The following CLDN10 variants were observed in gnomAD, a reference collection of about 807,000 sequenced individuals.
CLDN10 encodes claudin-10.
CLDN10 carries 15 observed loss-of-function variants against 22.9 expected under a neutral mutation model. The ratio of observed to expected loss-of-function variants is 0.65; its 90% confidence interval spans 0.44 to 1.01. The LOEUF (loss-of-function observed/expected upper bound fraction) is 1.01, where lower values mean the gene tolerates loss of function less well. Ranked by LOEUF, CLDN10 falls within the 50% of genes least tolerant of loss-of-function variation. CLDN10 has a pLI of 0.00. For synonymous variants in CLDN10, 114 were observed against 111.4 expected (o/e 1.02, Z -0.15); for missense variants, 247 against 287.8 (o/e 0.86, Z 1.03).
chr13:95,535,462 C>T (rs1330922607), intron 1 of CLDN10, among the ~76,000 whole-genome samples: 1 of 150,168 alleles, frequency 6.7e-6, no homozygotes, highest in Non-Finnish European at 1.5e-5. Context: ...GAGGGAAGAG[C>T]GCCATCCAAG....
intron 1 of CLDN10, among the ~76,000 whole-genome samples, chr13:95,530,657 C>CA (rs928752653): frequency 2.6e-5 from 4 of 152,160 alleles, no homozygotes; most frequent in African/African-American, 9.7e-5. Flanking sequence ...CATAGACACT[C>CA]AAGGAAAACA....
chr13:95,510,584 C>T (rs1481010916), intron 1 of CLDN10, among the ~76,000 whole-genome samples: 1 of 152,002 alleles, frequency 6.6e-6, no homozygotes, highest in East Asian at 1.9e-4. Flanking sequence ...TTTATTAAGC[C>T]TTTGCTCATT....
chr13:95,488,040 C>A (rs1001970364), intron 1 of CLDN10, among the ~76,000 whole-genome samples: 2 of 151,266 alleles, frequency 1.3e-5, no homozygotes, highest in Non-Finnish European at 1.5e-5. Flanking sequence ...GGCTGGAGTG[C>A]AGTGGCGTGA....
chr13:95,467,305 A>G (rs1383524900), intron 1 of CLDN10, among the ~76,000 whole-genome samples: 1 of 152,214 alleles, frequency 6.6e-6, no homozygotes, highest in African/African-American at 2.4e-5. Flanking sequence ...TTTTAAAAGC[A>G]TAGCCCTGTA....
At chr13:95,573,409 A>G (rs1374253524) in intron 3 of CLDN10, among the ~76,000 whole-genome samples, 1 of 152,244 alleles carries the variant, frequency 6.6e-6, no homozygotes, top group Non-Finnish European at 1.5e-5. Context: ...GGTATTAGTC[A>G]TAAAGAGGGC....
chr13:95,548,088 T>C (rs1286936458), upstream of CLDN10, among the ~76,000 whole-genome samples: 1 of 152,184 alleles, frequency 6.6e-6, no homozygotes, highest in African/African-American at 2.4e-5. Context: ...AGACATAAAA[T>C]CACTTGCCCA....
intron 1 of CLDN10, among the ~76,000 whole-genome samples, chr13:95,532,394 T>G (rs2043353690): frequency 6.6e-6 from 1 of 152,164 alleles, no homozygotes; most frequent in Non-Finnish European, 1.5e-5. Context: ...CATGAAAAAG[T>G]GCTCAGCATC....
Position 95,552,781 on chromosome 13 carries a change from G to T in CLDN10, c.28G>T (p.Ala10Ser). 1.9e-6 allele frequency: 3 copies of T among 1,613,384 alleles called. No individual in the cohort carries two copies. Among genetic ancestry groups the T allele is most frequent in the Non-Finnish European group, 2.5e-6 (3 of 1,179,862 alleles). Residue 10 changes from alanine (A) to serine (S), a missense_variant, in exon 1 of 5, where the codon GCC (alanine) becomes TCC (serine). Transcript: ENST00000299339. ...GGCTAGCACGGCTTCGGAGATCATC[G>T]CCTTCATGGTCTCCATCTCAGGCTG... MASTASEII[A>S]FMVSISGWVL...
At chr13:95,552,333 G>A (rs2043574844), upstream of CLDN10, among the ~76,000 whole-genome samples, 1 of 151,210 alleles carries the variant, frequency 6.6e-6, no homozygotes, top group Admixed American at 6.6e-5. Flanking sequence ...GCTTCTACAA[G>A]GTAGTCAGGA....
Position 95,577,260 on chromosome 13 carries a change from G to A in CLDN10, c.494G>A (p.Gly165Glu). ...GAATTAGGAGCCGCTCTGTTTATTGGATGGGCAGGAGCCTCACTGTGCATA... is the reference window on the plus strand; with the variant it reads ...GAATTAGGAGCCGCTCTGTTTATTGAATGGGCAGGAGCCTCACTGTGCATA... ...KYELGAALFI[G>E]WAGASLCIIG... Residue 165 changes from glycine (G) to glutamate (E), a missense_variant, in exon 4 of 5, where the codon GGA becomes GAA. Physicochemically the swap from Gly to Glu is moderately conservative, Grantham distance 98 (BLOSUM62 -2). Transcript: ENST00000299339. 6.2e-7 allele frequency: 1 copy of A among 1,614,114 alleles called. No homozygotes were observed. Among genetic ancestry groups the A allele is most frequent in the Non-Finnish European group, 8.5e-7 (1 of 1,179,974 alleles).
intron 1 of CLDN10, among the ~76,000 whole-genome samples, chr13:95,531,508 A>G (rs2043342032): frequency 6.6e-6 from 1 of 151,980 alleles, no homozygotes; most frequent in South Asian, 2.1e-4. Flanking sequence ...TAAAAGAAGG[A>G]AACTTTTGGA....
chr13:95,522,065 T>C (rs1442298756), intron 1 of CLDN10, among the ~76,000 whole-genome samples: 2 of 152,056 alleles, frequency 1.3e-5, no homozygotes, highest in Non-Finnish European at 2.9e-5. Flanking sequence ...TTTTCTTTTT[T>C]TACTCAGTCT....
At chr13:95,511,873 A>G (rs1298938666) in intron 1 of CLDN10, among the ~76,000 whole-genome samples, 1 of 131,006 alleles carries the variant, frequency 7.6e-6, no homozygotes, top group Non-Finnish European at 1.6e-5. Context: ...TTGTACTTTA[A>G]GTTTTAGGGT....
intron 1 of CLDN10, among the ~76,000 whole-genome samples, chr13:95,488,269 A>T (rs1279764449): frequency 6.6e-6 from 1 of 151,560 alleles, no homozygotes; most frequent in African/African-American, 2.4e-5. Context: ...GAAAGATGCA[A>T]TTGGTGGAAG....
At chr13:95,497,216 ATAT>A (rs775286457) in intron 1 of CLDN10, 4 of 152,178 alleles carry the variant, frequency 2.6e-5, no homozygotes, top group East Asian at 3.8e-4. Context: ...ATTAATAAAC[ATAT>A]TATAGTGAAT....
At chr13:95,451,825 C>A (rs2042434821) in intron 1 of CLDN10, among the ~76,000 whole-genome samples, 1 of 152,198 alleles carries the variant, frequency 6.6e-6, no homozygotes, top group Admixed American at 6.5e-5. Context: ...GAGCAGACCA[C>A]AGGGCATGGA....
chr13:95,515,700 C>T (rs187367156), intron 1 of CLDN10, among the ~76,000 whole-genome samples: 122 of 152,270 alleles, frequency 8.0e-4, no homozygotes, highest in Non-Finnish European at 1.6e-3. Flanking sequence ...ATGGGGGAGG[C>T]GGCTGACATA....
intron 1 of CLDN10, among the ~76,000 whole-genome samples, chr13:95,457,739 T>C (rs2042496607): frequency 6.6e-6 from 1 of 152,130 alleles, no homozygotes; most frequent in Admixed American, 6.6e-5. Context: ...CCTGGGTATA[T>C]AGTGATGGTT....
intron 1 of CLDN10, among the ~76,000 whole-genome samples, chr13:95,502,923 C>A (rs1300470304): frequency 2.7e-5 from 4 of 150,720 alleles, no homozygotes; most frequent in African/African-American, 9.8e-5. Context: ...GAGCATCTAT[C>A]TCTTCTGATG....
Sources: allele counts gnomAD v4.1 joint callset (sites outside exome capture counted in the v4.1 genomes callset), GRCh38; gene constraint gnomAD v4.1.1; transcripts MANE v1.5; gene names NCBI Gene and HGNC (gene_info 2026-07-23, HGNC 2026-07-21).